The following HENMT1 variants were observed in gnomAD, a reference collection of about 807,000 sequenced individuals.
HENMT1 encodes the protein small RNA 2'-O-methyltransferase.
A neutral mutation model predicts 31.1 loss-of-function variants in HENMT1; 27 were observed. The observed-to-expected ratio is 0.87, with a 90% CI of 0.64 to 1.20. HENMT1 has a LOEUF of 1.20. Among genes scored for constraint, HENMT1 ranks in the 50% most tolerant of loss-of-function variants. The pLI is 0.00. For synonymous variants in HENMT1, 167 were observed against 172.2 expected, an observed-to-expected ratio of 0.97 and a Z score of 0.24; for missense variants, 438 against 469.6, an observed-to-expected ratio of 0.93 and a Z score of 0.62.
Position 108,661,038 on chromosome 1 carries a change from A to G in HENMT1, c.-154T>C, listed in dbSNP as rs551208364. On this transcript the variant is annotated 5_prime_UTR_variant, in exon 1 of 8. Coordinates refer to ENST00000651461, the MANE Select transcript of HENMT1 (RefSeq NM_001102592.2). ...GGTAAGCAGCATGCCCAACCGAAAA[A>G]ACAAAGCTCGTCGCGGAGCCGCCAG... is the stretch of plus-strand genomic sequence containing the variant. The G allele has an allele frequency of 5.1e-6, 5 of 983,568 alleles. No individual in the cohort carries two copies. The highest frequency in any genetic ancestry group is 6.0e-6 in the Non-Finnish European group (5 of 828,430). The allele number at this position is 983,568 out of a possible 1,614,324, so 60.9% of individuals were successfully genotyped here. A position where few individuals can be genotyped will look rare whatever the true frequency, so the allele number is the denominator to read the frequency against.
chr1:108,657,707 C>A, intron 2 of HENMT1, 128 bp from the exon 3 acceptor site: 1 of 806,774 alleles, frequency 1.2e-6, no homozygotes. Context: ...CTTCACATAC[C>A]CTTTGTCCTA....
At chr1:108,655,544 G>T in intron 4 of HENMT1, 42 bp downstream of exon 4, 1 of 1,169,046 alleles carries the variant, frequency 8.6e-7, no homozygotes, top group Non-Finnish European at 1.3e-6. Flanking sequence ...AATGCCATTA[G>T]TTTTAGATTA....
Position 108,650,208 on chromosome 1 carries a change from C to T in HENMT1, c.756+3G>A, listed in dbSNP as rs372074843. 11 of 1,613,398 alleles carry T rather than the reference C, an allele frequency of 6.8e-6. No homozygotes were observed. In the African/African-American group the frequency reaches 9.3e-5, roughly 14 times the overall value. ...TGATAGCTATCTCACAAAGAATACT[C>T]ACAGCTTTATAAACATGCTGATCAT... On this transcript the variant is annotated splice_donor_region_variant and intron_variant, in intron 7 of 7. Coordinates refer to ENST00000651461, the MANE Select transcript of HENMT1 (RefSeq NM_001102592.2).
chr1:108,658,046 TACACACAC>T (rs58348990), intron 2 of HENMT1, among the ~76,000 whole-genome samples: 2 of 140,372 alleles, frequency 1.4e-5, no homozygotes, highest in Non-Finnish European at 3.0e-5. Flanking sequence ...CACATATATA[TACACACAC>T]ACACACATAT....
chr1:108,659,029 T>C (rs1275764025), intron 2 of HENMT1, among the ~76,000 whole-genome samples: 1 of 152,186 alleles, frequency 6.6e-6, no homozygotes, highest in African/African-American at 2.4e-5. Flanking sequence ...GAAAATATAA[T>C]TTTTACATAA....
chr1:108,648,952 A>G lies in HENMT1; in HGVS notation c.796T>C (p.Phe266Leu). The change falls in exon 8 of 8, where the codon TTC becomes CTC. Residue 266 changes from phenylalanine (F) to leucine (L), a missense_variant. Transcript: ENST00000651461. ...TSYPSLQQER[F>L]FKLVLVNEVS... is the part of the protein sequence containing the mutation. ...TCATTAACCAACACAAGTTTAAAGA[A>G]CCTTTCCTGCTGTAAGCTTGGGTAT... The G allele has an allele frequency of 6.2e-7, 1 of 1,611,316 alleles. No homozygotes were observed. The highest frequency in any genetic ancestry group is 1.1e-5 in the South Asian group (1 of 90,872).
chr1:108,660,766 T>C (rs1385758177), intron 1 of HENMT1, among the ~76,000 whole-genome samples, 197 bp downstream of exon 1: 1 of 150,948 alleles, frequency 6.6e-6, no homozygotes, highest in Non-Finnish European at 1.5e-5. Context: ...CTACTAAAAA[T>C]ACAAAAAATT....
intron 5 of HENMT1, 190 bp from the exon 6 acceptor site, chr1:108,651,399 C>G: frequency 1.8e-6 from 1 of 552,200 alleles, no homozygotes; most frequent in Non-Finnish European, 3.2e-6. Flanking sequence ...AATCCCAACA[C>G]TTTGGGAGGC....
intron 1 of HENMT1, among the ~76,000 whole-genome samples, chr1:108,660,708 A>T (rs1401638021): frequency 6.6e-6 from 1 of 151,956 alleles, no homozygotes; most frequent in Admixed American, 6.6e-5. Flanking sequence ...GCGGATCACG[A>T]GGTCAGGAGA....
At chr1:108,658,802 A>G (rs1658348971) in intron 2 of HENMT1, among the ~76,000 whole-genome samples, 1 of 152,182 alleles carries the variant, frequency 6.6e-6, no homozygotes, top group Admixed American at 6.5e-5. Flanking sequence ...AGTCAGACTA[A>G]TTTTTTCTTT....
At chr1:108,653,362 G>A (rs1658116564) in intron 5 of HENMT1, among the ~76,000 whole-genome samples, 1 of 152,122 alleles carries the variant, frequency 6.6e-6, no homozygotes, top group South Asian at 2.1e-4. Flanking sequence ...TGGACATTTA[G>A]GTAGATTCCG....
At chr1:108,660,696 G>C (rs1167309006) in intron 1 of HENMT1, among the ~76,000 whole-genome samples, 1 of 151,890 alleles carries the variant, frequency 6.6e-6, no homozygotes, top group African/African-American at 2.4e-5. Flanking sequence ...AGGCCGAGGC[G>C]GGCGGATCAC....
At chr1:108,651,432 G>T (rs989452038) in intron 5 of HENMT1, 9 of 472,350 alleles carry the variant, frequency 1.9e-5, no homozygotes, top group African/African-American at 1.4e-4. Context: ...ATCACCCAAG[G>T]TCAAGAGTTA....
chr1:108,659,253 T>A (rs1658363616), intron 2 of HENMT1, among the ~76,000 whole-genome samples: 1 of 152,170 alleles, frequency 6.6e-6, no homozygotes, highest in African/African-American at 2.4e-5. Flanking sequence ...AAATATCCAA[T>A]TTTAAACTTA....
rs200486603 is a variant in HENMT1, at chr1:108,658,100, T to TACAC, written c.22-525_22-522dup. On this transcript the variant is annotated intron_variant, in intron 2 of 7. Coordinates refer to ENST00000651461, the MANE Select transcript of HENMT1 (RefSeq NM_001102592.2). The stretch of plus-strand genomic sequence containing the variant: ...ACACACACACACACACACACATATA[T>TACAC]ACACACACACACACACACATATATA... Among the ~76,000 whole-genome samples, 7 of 123,854 alleles carry TACAC rather than the reference T, an allele frequency of 5.7e-5. 1 individual carries two copies. The highest frequency in any genetic ancestry group is 1.1e-4 in the African/African-American group (4 of 36,110). 81.3% of individuals were successfully genotyped at this position (123,854 alleles called of 152,430 possible).
intron 3 of HENMT1, among the ~76,000 whole-genome samples, chr1:108,656,768 A>G (rs1184640174): frequency 6.6e-6 from 1 of 152,214 alleles, no homozygotes; most frequent in Non-Finnish European, 1.5e-5. Flanking sequence ...CCGGCCCATT[A>G]TCATCTAATT....
intron 3 of HENMT1, 85 bp downstream of exon 3, chr1:108,657,366 T>C: frequency 1.0e-6 from 1 of 961,556 alleles, no homozygotes; most frequent in Non-Finnish European, 1.6e-6. Flanking sequence ...GAAAAGTCTC[T>C]CCATACTAAT....
chr1:108,650,072 C>T (rs1485490006), intron 7 of HENMT1, 139 bp downstream of exon 7: 3 of 781,780 alleles, frequency 3.8e-6, no homozygotes, highest in Non-Finnish European at 4.5e-6. Context: ...AGTCATGGGG[C>T]CTGAAGAATT....
chr1:108,649,067 T>C, intron 7 of HENMT1, 76 bp from the exon 8 acceptor site: 1 of 1,197,922 alleles, frequency 8.3e-7, no homozygotes, highest in Non-Finnish European at 1.1e-6. Flanking sequence ...CATCAATAAC[T>C]TTTTTGCCAT....
Sources: allele counts gnomAD v4.1 joint callset (sites outside exome capture counted in the v4.1 genomes callset), GRCh38; gene constraint gnomAD v4.1.1; transcripts MANE v1.5; gene names NCBI Gene and HGNC (gene_info 2026-07-23, HGNC 2026-07-21).